Variants in PTPRZ1 observed in about 807,000 individuals in gnomAD.
The protein encoded by PTPRZ1 is protein tyrosine phosphatase receptor type Z1.
A neutral mutation model predicts 214.1 loss-of-function variants in PTPRZ1; 82 were observed. The ratio of observed to expected loss-of-function variants is 0.38; its 90% CI spans 0.32 to 0.46. The LOEUF is 0.46. Among genes scored for constraint, PTPRZ1 ranks in the 20% least tolerant of loss-of-function variants. The pLI is 1.00. For synonymous variants in PTPRZ1, 945 were observed against 987.9 expected, an observed-to-expected ratio of 0.96 and a Z score of 0.81; for missense variants, 2,603 against 2,748.7, an observed-to-expected ratio of 0.95 and a Z score of 1.19.
intron 25 of PTPRZ1, 126 bp from the exon 26 acceptor site, chr7:122,053,784 T>C: frequency 8.7e-7 from 1 of 1,148,138 alleles, no homozygotes; most frequent in Non-Finnish European, 1.2e-6. Flanking sequence ...ATCATATTAC[T>C]ACATATAGAC....
chr7:121,886,463 A>AAC (rs148244179), intron 1 of PTPRZ1, among the ~76,000 whole-genome samples: 2,941 of 147,978 alleles, frequency 0.02, 50 homozygotes, highest in Admixed American at 0.062. Context: ...TATTAAATGT[A>AAC]ACACACACAC....
At chr7:121,951,095 A>G (rs925073091) in intron 2 of PTPRZ1, among the ~76,000 whole-genome samples, 3 of 152,212 alleles carry the variant, frequency 2.0e-5, no homozygotes, top group African/African-American at 7.2e-5. Context: ...CTTCCATTTT[A>G]TGTTCTAGAG....
rs183072436 is a variant in PTPRZ1 at position 121,894,744 on chromosome 7, G to A, written c.58+21187G>A. On this transcript the variant is annotated intron_variant, in intron 1 of 29. Coordinates refer to ENST00000393386, the MANE Select transcript of PTPRZ1 (RefSeq NM_002851.3). Reference sequence around the variant, plus strand: ...TATCCCATTCAATCATTGCTCTTTTGCTTATAGATTATTAGAATTCTTTGT... The same window carrying A: ...TATCCCATTCAATCATTGCTCTTTTACTTATAGATTATTAGAATTCTTTGT... 3.3e-5 allele frequency among the ~76,000 whole-genome samples: 5 copies of A among 152,166 alleles called. No individual in the cohort carries two copies. In the East Asian group the frequency reaches 9.7e-4, roughly 29 times the overall value.
intron 2 of PTPRZ1, among the ~76,000 whole-genome samples, chr7:121,945,848 A>C (rs1796355960): frequency 6.6e-6 from 1 of 152,168 alleles, no homozygotes; most frequent in Non-Finnish European, 1.5e-5. Context: ...CCACCTCCCT[A>C]GGAAGAATGT....
chr7:122,019,080 C>T (rs995818169), intron 12 of PTPRZ1, 44 bp from the exon 13 acceptor site: 1 of 1,532,694 alleles, frequency 6.5e-7, no homozygotes, highest in Non-Finnish European at 8.9e-7. Flanking sequence ...TGTGACTTTT[C>T]CTTCACCTTA....
intron 13 of PTPRZ1, among the ~76,000 whole-genome samples, chr7:122,021,320 GA>G (rs1222568210): frequency 6.6e-6 from 1 of 152,048 alleles, no homozygotes; most frequent in Non-Finnish European, 1.5e-5. Context: ...ATTATATGGG[GA>G]AAAGATAAAA....
intron 10 of PTPRZ1, among the ~76,000 whole-genome samples, chr7:122,000,702 T>TATATATATATATA (rs1798297116): frequency 1.7e-5 from 2 of 121,050 alleles, no homozygotes; most frequent in Non-Finnish European, 3.4e-5. Flanking sequence ...TATATATATA[T>TATATATATATATA]TTGAGGTGGA....
chr7:121,895,753 G>A (rs770433350), intron 1 of PTPRZ1, among the ~76,000 whole-genome samples: 3 of 152,156 alleles, frequency 2.0e-5, no homozygotes, highest in Non-Finnish European at 2.9e-5. Context: ...ACACTAAACC[G>A]GTTAGGAAAA....
chr7:122,002,354 T>A (rs573190487), intron 10 of PTPRZ1, among the ~76,000 whole-genome samples: 1 of 152,060 alleles, frequency 6.6e-6, no homozygotes, highest in South Asian at 2.1e-4. Flanking sequence ...CCCATGAGAG[T>A]GCCAAGGAGA....
intron 10 of PTPRZ1, among the ~76,000 whole-genome samples, chr7:121,999,899 A>G (rs1220606970): frequency 6.6e-6 from 1 of 152,044 alleles, no homozygotes; most frequent in Non-Finnish European, 1.5e-5. Flanking sequence ...ATATTATTAA[A>G]ACTTAAAATT....
chr7:121,966,730 T>A (rs952328197), intron 2 of PTPRZ1, among the ~76,000 whole-genome samples: 2 of 152,200 alleles, frequency 1.3e-5, no homozygotes, highest in South Asian at 2.1e-4. Context: ...GGCAAAATTA[T>A]GCAATGTTAT....
chr7:121,944,724 C>T (rs1796322196), intron 2 of PTPRZ1, among the ~76,000 whole-genome samples: 1 of 151,906 alleles, frequency 6.6e-6, no homozygotes, highest in Non-Finnish European at 1.5e-5. Context: ...CTCACTGCAA[C>T]CTCTGCCTTT....
intron 6 of PTPRZ1, among the ~76,000 whole-genome samples, chr7:121,978,322 C>T (rs1480429139): frequency 2.0e-5 from 3 of 152,090 alleles, no homozygotes; most frequent in Non-Finnish European, 4.4e-5. Flanking sequence ...CTCTGTCTCT[C>T]TACCTCACTT....
intron 13 of PTPRZ1, among the ~76,000 whole-genome samples, chr7:122,024,971 A>G (rs577211574): frequency 2.0e-5 from 3 of 152,162 alleles, no homozygotes; most frequent in African/African-American, 4.8e-5. Flanking sequence ...TGAGATTTCA[A>G]GTTATCCCAA....
intron 1 of PTPRZ1, among the ~76,000 whole-genome samples, chr7:121,887,437 A>G (rs1474831794): frequency 6.6e-6 from 1 of 152,088 alleles, no homozygotes; most frequent in African/African-American, 2.4e-5. Context: ...TTCACCCTCA[A>G]ATTCACTCAA....
At chr7:122,037,699 A>G (rs969367810) in intron 18 of PTPRZ1, among the ~76,000 whole-genome samples, 1 of 152,198 alleles carries the variant, frequency 6.6e-6, no homozygotes, top group Non-Finnish European at 1.5e-5. Flanking sequence ...GGAAATATGC[A>G]TGTCAGAATG....
intron 10 of PTPRZ1, among the ~76,000 whole-genome samples, chr7:122,002,576 A>G (rs1798363512): frequency 6.6e-6 from 1 of 152,218 alleles, no homozygotes; most frequent in African/African-American, 2.4e-5. Context: ...AATAAGTCTA[A>G]TGCAATACAC....
chr7:121,987,062 C>A (rs1797781934), intron 8 of PTPRZ1, among the ~76,000 whole-genome samples: 1 of 152,122 alleles, frequency 6.6e-6, no homozygotes, highest in African/African-American at 2.4e-5. Context: ...TATTGTATAT[C>A]CTTAGGATAA....
chr7:122,040,616 A>G (rs937466780), intron 20 of PTPRZ1, among the ~76,000 whole-genome samples, 200 bp from the exon 21 acceptor site: 1 of 152,208 alleles, frequency 6.6e-6, no homozygotes, highest in Non-Finnish European at 1.5e-5. Context: ...CCACCATAGT[A>G]TAGCCAAGTG....
Sources: gnomAD v4.1 joint callset for allele counts (sites outside exome capture counted in the v4.1 genomes callset) on GRCh38, gnomAD v4.1.1 for gene constraint, MANE v1.5 for transcripts, NCBI Gene and HGNC (gene_info 2026-07-23, HGNC 2026-07-21) for gene names.